Variants in RERE observed in about 807,000 individuals in gnomAD.
RERE encodes arginine-glutamic acid dipeptide repeats protein.
In RERE, 40 loss-of-function variants were observed where a neutral mutation model predicts 146.1. The observed-to-expected ratio is 0.27, with a 90% CI of 0.21 to 0.36. RERE has a LOEUF of 0.36. RERE is among the 10% of genes least tolerant of loss of function. The probability of loss-of-function intolerance (pLI) is 1.00; values close to 1 mark genes in which losing one functional copy is unlikely to be tolerated. For missense variants in RERE, 1,933 were observed against 2,138.7 expected (o/e 0.90, Z 1.90); for synonymous variants, 1,003 against 866.0 (o/e 1.16, Z -2.78).
chr1:8,411,612 A>G (rs935162727), intron 12 of RERE, among the ~76,000 whole-genome samples: 1 of 152,184 alleles, frequency 6.6e-6, no homozygotes, highest in Non-Finnish European at 1.5e-5. Flanking sequence ...AGGTGATACT[A>G]CAGAGTGAGC....
chr1:8,514,533 C>T (rs755966971), intron 7 of RERE, among the ~76,000 whole-genome samples: 8 of 152,116 alleles, frequency 5.3e-5, no homozygotes, highest in African/African-American at 9.7e-5. Context: ...AGTTCGAAAC[C>T]AGCCTAGTCA....
intron 1 of RERE, among the ~76,000 whole-genome samples, chr1:8,748,473 C>A (rs922855478): frequency 6.6e-6 from 1 of 152,186 alleles, no homozygotes; most frequent in Non-Finnish European, 1.5e-5. Context: ...CCCCTTCCAT[C>A]CATTCTCCAT....
chr1:8,729,280 G>C (rs1640036585), intron 1 of RERE, among the ~76,000 whole-genome samples: 1 of 142,662 alleles, frequency 7.0e-6, no homozygotes, highest in Non-Finnish European at 1.5e-5. Context: ...CTGGAGTGCA[G>C]TGGCACAATC....
intron 4 of RERE, among the ~76,000 whole-genome samples, chr1:8,577,756 T>G (rs992940729): frequency 1.3e-5 from 2 of 152,182 alleles, no homozygotes; most frequent in Non-Finnish European, 2.9e-5. Context: ...TCACTACATC[T>G]TATTCATTGT....
intron 3 of RERE, among the ~76,000 whole-genome samples, chr1:8,620,421 A>T (rs534630101): frequency 9.1e-4 from 139 of 152,302 alleles, no homozygotes; most frequent in African/African-American, 3.2e-3. Flanking sequence ...TGCCTATGCC[A>T]GCCCTAACCT....
intron 10 of RERE, among the ~76,000 whole-genome samples, chr1:8,468,937 G>T (rs1255850905): frequency 2.0e-5 from 3 of 151,906 alleles, no homozygotes; most frequent in Admixed American, 1.3e-4. Context: ...AGAAAAAAGG[G>T]TAAGTAGGAA....
intron 1 of RERE, among the ~76,000 whole-genome samples, chr1:8,704,958 G>C (rs1293391367): frequency 6.6e-6 from 1 of 152,182 alleles, no homozygotes; most frequent in Non-Finnish European, 1.5e-5. Flanking sequence ...TTGAAAATCT[G>C]CTTCATATCC....
chr1:8,789,618 C>T (rs1641328429), intron 1 of RERE, among the ~76,000 whole-genome samples: 1 of 152,092 alleles, frequency 6.6e-6, no homozygotes, highest in Admixed American at 6.6e-5. Flanking sequence ...CGCCCCAATT[C>T]CCTTCAGGTG....
chr1:8,619,156 TA>T (rs1646889253), intron 3 of RERE, among the ~76,000 whole-genome samples: 1 of 152,224 alleles, frequency 6.6e-6, no homozygotes, highest in South Asian at 2.1e-4. Flanking sequence ...CATCCTTAGC[TA>T]TTCCACATTC....
chr1:8,397,976 G>C (rs1643112750), intron 12 of RERE, among the ~76,000 whole-genome samples: 1 of 152,188 alleles, frequency 6.6e-6, no homozygotes, highest in Admixed American at 6.5e-5. Context: ...TTGCCTTCAG[G>C]AGCTCAATCC....
chr1:8,770,510 A>G (rs900031117), intron 1 of RERE, among the ~76,000 whole-genome samples: 2 of 152,196 alleles, frequency 1.3e-5, no homozygotes, highest in African/African-American at 4.8e-5. Context: ...GCCTCAGTCT[A>G]CTTATAGCCC....
rs185866117 is a variant in RERE at position 8,637,257 on chromosome 1, A to C, written c.326-12877T>G. 2.0e-5 allele frequency among the ~76,000 whole-genome samples: 3 copies of C among 152,286 alleles called. 1 individual carries two copies. In the East Asian group the frequency reaches 5.8e-4, roughly 29 times the overall value. On this transcript the variant is annotated intron_variant, in intron 2 of 22. Transcript: ENST00000400908. ...GACTTTACAGTGAAGTCAAGTTCCT[A>C]GCACGACTCTACTATAAGGTTGCAC...
intron 1 of RERE, among the ~76,000 whole-genome samples, chr1:8,697,396 C>CTT (rs746535721): frequency 2.6e-5 from 3 of 117,486 alleles, no homozygotes; most frequent in South Asian, 3.0e-4. Flanking sequence ...CCCCACACAA[C>CTT]TTTTTTTTTT....
intron 4 of RERE, among the ~76,000 whole-genome samples, chr1:8,583,819 A>T (rs958133632): frequency 6.6e-6 from 1 of 151,984 alleles, no homozygotes; most frequent in Non-Finnish European, 1.5e-5. Flanking sequence ...CAGAAGGGGG[A>T]GCTCCGTAAA....
intron 3 of RERE, among the ~76,000 whole-genome samples, chr1:8,621,955 T>G (rs1646921513): frequency 6.6e-6 from 1 of 152,232 alleles, no homozygotes; most frequent in Admixed American, 6.5e-5. Flanking sequence ...CTGTTGTTCT[T>G]ACACAACAAC....
intron 4 of RERE, among the ~76,000 whole-genome samples, chr1:8,598,304 AG>A (rs1646579709): frequency 6.6e-6 from 1 of 152,216 alleles, no homozygotes; most frequent in African/African-American, 2.4e-5. Flanking sequence ...ACATCCAACC[AG>A]GAACACACTG....
chr1:8,724,754 G>A (rs541490527), intron 1 of RERE, among the ~76,000 whole-genome samples: 13 of 150,674 alleles, frequency 8.6e-5, no homozygotes, highest in African/African-American at 2.5e-4. Context: ...CCTTGAACCC[G>A]GGAGGTGGAC....
At chr1:8,789,073 T>A (rs1285360716) in intron 1 of RERE, among the ~76,000 whole-genome samples, 1 of 151,496 alleles carries the variant, frequency 6.6e-6, no homozygotes, top group East Asian at 1.9e-4. Context: ...ACAGAATATG[T>A]GAACTATTAT....
chr1:8,508,154 C>A (rs1011148370), intron 8 of RERE, among the ~76,000 whole-genome samples: 1 of 152,150 alleles, frequency 6.6e-6, no homozygotes, highest in African/African-American at 2.4e-5. Flanking sequence ...GAAATTCTGA[C>A]ACATGCTATT....
Sources: allele counts gnomAD v4.1 joint callset (sites outside exome capture counted in the v4.1 genomes callset), GRCh38; gene constraint gnomAD v4.1.1; transcripts MANE v1.5; gene names NCBI Gene and HGNC (gene_info 2026-07-23, HGNC 2026-07-21).